HPSE2: variants seen among roughly 807,000 people sequenced by gnomAD.
The protein encoded by HPSE2 is inactive heparanase-2.
In HPSE2, 38 loss-of-function variants were observed where a neutral mutation model predicts 60.5. The observed-to-expected ratio is 0.63, with a 90% CI of 0.48 to 0.82. The LOEUF (loss-of-function observed/expected upper bound fraction) is 0.82. Ranked by LOEUF, HPSE2 falls within the 40% of genes least tolerant of loss-of-function variation. The pLI is 0.00. For synonymous variants in HPSE2, 295 were observed against 293.2 expected (o/e 1.01, Z -0.06); for missense variants, 713 against 740.4 (o/e 0.96, Z 0.43).
chr10:99,054,920 G>A (rs1958076299), intron 3 of HPSE2, among the ~76,000 whole-genome samples: 1 of 151,816 alleles, frequency 6.6e-6, no homozygotes, highest in South Asian at 2.1e-4. Flanking sequence ...TACTATGTTG[G>A]CCAGGCTGGT....
chr10:98,798,897 T>A (rs547300507), intron 3 of HPSE2, among the ~76,000 whole-genome samples: 2 of 152,084 alleles, frequency 1.3e-5, no homozygotes, highest in African/African-American at 4.8e-5. Flanking sequence ...AGTGATAACA[T>A]TGAATGGAAA....
At chr10:98,661,755 TACAG>T (rs1479796877) in intron 6 of HPSE2, among the ~76,000 whole-genome samples, 6 of 152,240 alleles carry the variant, frequency 3.9e-5, no homozygotes, top group Admixed American at 6.5e-5. Flanking sequence ...TTGTTGCTAT[TACAG>T]ACAAAGGTGA....
chr10:99,041,779 C>T lies in HPSE2; in HGVS notation c.610+102459G>A, dbSNP rs116602654. 1.7e-3 allele frequency among the ~76,000 whole-genome samples: 259 copies of T among 152,258 alleles called. 1 individual carries two copies. The highest frequency in any genetic ancestry group is 5.7e-3 in the African/African-American group (235 of 41,560). On this transcript the variant is annotated intron_variant, in intron 3 of 11. Coordinates refer to ENST00000370552, the MANE Select transcript of HPSE2 (RefSeq NM_021828.5). ...CCCACACCTAAGCACTCTGGCCCTG[C>T]ATTTCTCTGGGATGGAGCTCACAGA... is the stretch of plus-strand genomic sequence containing the variant.
the HPSE2 span, among the ~76,000 whole-genome samples, chr10:99,260,024 G>A: frequency 6.6e-6 from 1 of 152,150 alleles, no homozygotes; most frequent in Non-Finnish European, 1.5e-5. Context: ...AAAGGTAGGG[G>A]ACTGCTGCTC....
chr10:98,872,566 T>C (rs1454381068), intron 3 of HPSE2, among the ~76,000 whole-genome samples: 2 of 152,140 alleles, frequency 1.3e-5, no homozygotes, highest in Non-Finnish European at 2.9e-5. Flanking sequence ...TAAAAACATC[T>C]GTAAAATCTC....
At chr10:98,955,939 C>T (rs1955499740) in intron 3 of HPSE2, among the ~76,000 whole-genome samples, 1 of 152,042 alleles carries the variant, frequency 6.6e-6, no homozygotes. Context: ...GGGAACAACA[C>T]ACACCAGGGC....
At chr10:99,287,237 C>T in the HPSE2 span, among the ~76,000 whole-genome samples, 1 of 151,836 alleles carries the variant, frequency 6.6e-6, no homozygotes, top group African/African-American at 2.4e-5. Flanking sequence ...GAAATGCCCA[C>T]GAAGGATCAA....
chr10:99,302,819 C>T, the HPSE2 span, among the ~76,000 whole-genome samples: 2 of 151,400 alleles, frequency 1.3e-5, no homozygotes, highest in Admixed American at 1.3e-4. Flanking sequence ...CAGGAAGACA[C>T]CCCATAGCCC....
intron 11 of HPSE2, among the ~76,000 whole-genome samples, chr10:98,481,805 T>A (rs1242188140): frequency 6.6e-6 from 1 of 152,144 alleles, no homozygotes; most frequent in Admixed American, 6.5e-5. Context: ...TGGTAAACAT[T>A]AAAAATGGAA....
intron 3 of HPSE2, among the ~76,000 whole-genome samples, chr10:99,090,992 G>C (rs555523787): frequency 2.6e-5 from 4 of 151,906 alleles, no homozygotes; most frequent in Non-Finnish European, 5.9e-5. Flanking sequence ...CTTCCACAGG[G>C]CTCTCTCCTT....
intron 3 of HPSE2, among the ~76,000 whole-genome samples, chr10:98,941,918 T>C (rs1328076719): frequency 1.4e-5 from 2 of 141,768 alleles, no homozygotes; most frequent in East Asian, 2.0e-4. Flanking sequence ...CCCTCAGAAA[T>C]AATGCCACAT....
At chr10:99,227,678 C>T (rs1849514795) in intron 2 of HPSE2, among the ~76,000 whole-genome samples, 1 of 151,594 alleles carries the variant, frequency 6.6e-6, no homozygotes, top group Non-Finnish European at 1.5e-5. Context: ...TTTAACCTAG[C>T]ATACACCCAA....
the HPSE2 span, among the ~76,000 whole-genome samples, chr10:99,273,494 G>A: frequency 6.6e-6 from 1 of 152,044 alleles, no homozygotes. Flanking sequence ...TCTGCCTTTG[G>A]CCTAAATGCA....
intron 3 of HPSE2, among the ~76,000 whole-genome samples, chr10:99,022,109 C>A (rs1011129823): frequency 7.1e-6 from 1 of 141,660 alleles, no homozygotes; most frequent in African/African-American, 2.6e-5. Context: ...ATAGAAAATA[C>A]AGCCTGAATC....
intron 3 of HPSE2, among the ~76,000 whole-genome samples, chr10:99,003,720 A>G (rs972098327): frequency 2.0e-5 from 3 of 152,184 alleles, no homozygotes; most frequent in Non-Finnish European, 4.4e-5. Flanking sequence ...CATTTTGGAT[A>G]TGAACCCTTT....
At position 99,043,087 on chromosome 10, in the gene HPSE2, G is replaced by A. The variant is rs150618823; in HGVS notation, c.610+101151C>T. On this transcript the variant is annotated intron_variant, in intron 3 of 11. Transcript: ENST00000370552. ...CTTACACCACAGTTAAAGGGACACC[G>A]ACCCTCCGAAATAAGAAAAAATCAG... 5.0e-3 allele frequency among the ~76,000 whole-genome samples: 758 copies of A among 152,190 alleles called. 9 individuals are homozygous for A. The highest frequency in any genetic ancestry group is 0.017 in the African/African-American group (721 of 41,510).
intron 3 of HPSE2, among the ~76,000 whole-genome samples, chr10:98,898,001 A>G (rs1007717159): frequency 2.6e-5 from 4 of 152,132 alleles, no homozygotes; most frequent in Non-Finnish European, 5.9e-5. Context: ...AACAATGAGG[A>G]AAAAAACCTC....
intron 4 of HPSE2, among the ~76,000 whole-genome samples, chr10:98,722,657 T>C: frequency 6.6e-6 from 1 of 152,168 alleles, no homozygotes; most frequent in East Asian, 1.9e-4. Flanking sequence ...CAAAGCCTCC[T>C]CTTTCAGCTT....
chr10:99,308,379 C>CAAAAAAAAAAAAAAAAAAAAAAAAAA, the HPSE2 span, among the ~76,000 whole-genome samples: 598 of 27,850 alleles, frequency 0.021, 89 homozygotes, highest in Non-Finnish European at 0.026. Context: ...GACTCTGTCT[C>CAAAAAAAAAAAAAAAAAAAAAAAAAA]AAAAAAAAAA....
Sources: allele counts gnomAD v4.1 joint callset (sites outside exome capture counted in the v4.1 genomes callset), GRCh38; gene constraint gnomAD v4.1.1; transcripts MANE v1.5; gene names NCBI Gene and HGNC (gene_info 2026-07-23, HGNC 2026-07-21).